SGPP2: variants seen among roughly 807,000 people sequenced by gnomAD.
SGPP2 encodes sphingosine 1-phosphate phosphohydrolase 2.
Under a neutral mutation model 33.9 loss-of-function variants are expected in SGPP2, and 30 were observed. The observed-to-expected ratio is 0.89, with a 90% CI of 0.66 to 1.20. The LOEUF (loss-of-function observed/expected upper bound fraction) is 1.20. SGPP2 is among the 50% of genes most tolerant of loss of function. The pLI is 0.00. For missense variants in SGPP2, 458 were observed against 532.1 expected (o/e 0.86, Z 1.37); for synonymous variants, 233 against 225.0 (o/e 1.04, Z -0.32).
At chr2:222,436,562 C>T (rs542101343) in intron 1 of SGPP2, among the ~76,000 whole-genome samples, 2 of 152,200 alleles carry the variant, frequency 1.3e-5, no homozygotes, top group African/African-American at 2.4e-5. Flanking sequence ...GAACATGGTA[C>T]GACCAATGAA....
chr2:222,451,730 A>G (rs895579929), intron 1 of SGPP2, among the ~76,000 whole-genome samples: 12 of 152,228 alleles, frequency 7.9e-5, no homozygotes, highest in African/African-American at 2.9e-4. Flanking sequence ...TAATCAAAGG[A>G]AGGAAGAGAA....
At chr2:222,438,209 T>A (rs1697273459) in intron 1 of SGPP2, among the ~76,000 whole-genome samples, 1 of 152,222 alleles carries the variant, frequency 6.6e-6, no homozygotes, top group Non-Finnish European at 1.5e-5. Flanking sequence ...AAGGAACATC[T>A]TGACAGGCCC....
chr2:222,450,646 G>C (rs369303630), intron 1 of SGPP2, among the ~76,000 whole-genome samples: 1 of 152,172 alleles, frequency 6.6e-6, no homozygotes, highest in South Asian at 2.1e-4. Flanking sequence ...AAACAAAAAC[G>C]TGCATTGAGA....
intron 2 of SGPP2, among the ~76,000 whole-genome samples, chr2:222,502,406 T>A (rs1288397422): frequency 6.6e-6 from 1 of 152,220 alleles, no homozygotes; most frequent in African/African-American, 2.4e-5. Flanking sequence ...TTCAAAATGT[T>A]TGGGACCAGA....
intron 2 of SGPP2, among the ~76,000 whole-genome samples, chr2:222,508,515 G>A (rs753080398): frequency 2.6e-5 from 4 of 152,160 alleles, no homozygotes; most frequent in African/African-American, 4.8e-5. Context: ...AACAATCATT[G>A]CACAAATGTC....
chr2:222,463,880 A>T (rs1471017878), intron 1 of SGPP2, among the ~76,000 whole-genome samples: 2 of 152,198 alleles, frequency 1.3e-5, no homozygotes, highest in Non-Finnish European at 2.9e-5. Context: ...TGCTTCAGAA[A>T]ATGTTTTTTG....
intron 2 of SGPP2, among the ~76,000 whole-genome samples, chr2:222,480,219 T>C (rs147629565): frequency 2.8e-3 from 428 of 152,346 alleles, no homozygotes; most frequent in Non-Finnish European, 5.1e-3. Flanking sequence ...GGGAGGTATT[T>C]AGTTTTGTAA....
intron 4 of SGPP2, among the ~76,000 whole-genome samples, chr2:222,548,594 A>C (rs1559176390): frequency 2.0e-5 from 3 of 152,226 alleles, no homozygotes; most frequent in African/African-American, 7.2e-5. Flanking sequence ...GCCCACTCAA[A>C]GACCCATTCG....
chr2:222,500,548 G>A (rs371321838), intron 2 of SGPP2, among the ~76,000 whole-genome samples: 2 of 152,124 alleles, frequency 1.3e-5, no homozygotes, highest in African/African-American at 4.8e-5. Flanking sequence ...TATGAAATTG[G>A]CTTTTCCAGT....
intron 2 of SGPP2, chr2:222,498,183 G>A (rs1227426271): frequency 1.3e-5 from 2 of 152,178 alleles, no homozygotes; most frequent in East Asian, 1.9e-4. Context: ...TGAGATCATG[G>A]ATTGTTACTT....
chr2:222,486,187 T>C (rs7578367), intron 2 of SGPP2, among the ~76,000 whole-genome samples: 9,507 of 152,210 alleles, frequency 0.062, 401 homozygotes, highest in East Asian at 0.15. Context: ...AGCTGGGCCT[T>C]AGCCAGCTGA....
At chr2:222,493,370 A>T (rs1271976096) in intron 2 of SGPP2, among the ~76,000 whole-genome samples, 5 of 151,976 alleles carry the variant, frequency 3.3e-5, no homozygotes, top group Admixed American at 1.3e-4. Flanking sequence ...ATTGGATCTC[A>T]TGAGAACTCA....
intron 1 of SGPP2, among the ~76,000 whole-genome samples, chr2:222,440,553 G>A (rs943739233): frequency 7.2e-5 from 11 of 151,986 alleles, no homozygotes; most frequent in Non-Finnish European, 1.2e-4. Context: ...ATATTGGTCA[G>A]GCTGGTCTCA....
chr2:222,432,176 T>C (rs949896096), intron 1 of SGPP2, among the ~76,000 whole-genome samples: 1 of 152,104 alleles, frequency 6.6e-6, no homozygotes, highest in Non-Finnish European at 1.5e-5. Flanking sequence ...CTGTGCAGGA[T>C]TGATGGAGGT....
chr2:222,471,332 G>A (rs995515464), intron 1 of SGPP2, among the ~76,000 whole-genome samples: 30 of 152,084 alleles, frequency 2.0e-4, no homozygotes, highest in African/African-American at 6.3e-4. Context: ...ACAAAACTGG[G>A]AACCTCTTAG....
At chr2:222,539,677 C>T (rs1698963095) in intron 4 of SGPP2, among the ~76,000 whole-genome samples, 1 of 152,202 alleles carries the variant, frequency 6.6e-6, no homozygotes, top group Non-Finnish European at 1.5e-5. Context: ...TGCCAGATCA[C>T]AGAAACAGCA....
chr2:222,519,659 T>C (rs182856820), intron 2 of SGPP2, among the ~76,000 whole-genome samples: 2 of 152,342 alleles, frequency 1.3e-5, no homozygotes, highest in African/African-American at 4.8e-5. Context: ...CAATAGTTTT[T>C]CAACCTACTC....
chr2:222,436,557 T>C (rs1042685505), intron 1 of SGPP2, among the ~76,000 whole-genome samples: 6 of 152,170 alleles, frequency 3.9e-5, no homozygotes, highest in African/African-American at 1.2e-4. Context: ...ATGGGGAACA[T>C]GGTACGACCA....
In SGPP2 at chr2:222,465,495, C is replaced by T. The variant is rs1049472469; in HGVS notation, c.220-9073C>T. Among the ~76,000 whole-genome samples, 11 of 152,248 alleles carry T rather than the reference C, an allele frequency of 7.2e-5. No individual in the cohort carries two copies. Among genetic ancestry groups the T allele is most frequent in the East Asian group, 5.8e-4 (3 of 5,186 alleles). ...ATAGATTTGTGAATTCAGGACACCACAGGTCTCCCTCATGGTAGAAATGAT... is the reference window on the plus strand; with the variant it reads ...ATAGATTTGTGAATTCAGGACACCATAGGTCTCCCTCATGGTAGAAATGAT... On this transcript the variant is annotated intron_variant, in intron 1 of 4. Coordinates refer to ENST00000321276, the MANE Select transcript of SGPP2 (RefSeq NM_152386.4). This position sits in a 1 kb window ranked among gnomAD's most constrained non-coding sequence, Gnocchi z 4.1.
Sources: allele counts gnomAD v4.1 joint callset (sites outside exome capture counted in the v4.1 genomes callset), GRCh38; gene constraint gnomAD v4.1.1; non-coding constraint Gnocchi (gnomAD v3.1); transcripts MANE v1.5; gene names NCBI Gene and HGNC (gene_info 2026-07-23, HGNC 2026-07-21).